MCHR2: variants seen among roughly 807,000 people sequenced by gnomAD.
MCHR2 encodes the protein melanin concentrating hormone receptor 2.
A neutral mutation model predicts 24.8 loss-of-function variants in MCHR2; 15 were observed. The ratio of observed to expected loss-of-function variants is 0.60; its 90% CI spans 0.40 to 0.93. The LOEUF is 0.93. Among genes scored for constraint, MCHR2 ranks in the 40% least tolerant of loss-of-function variants. The pLI is 0.00. For synonymous variants in MCHR2, 151 were observed against 147.6 expected (o/e 1.02, Z -0.17); for missense variants, 386 against 408.7 (o/e 0.94, Z 0.48).
chr6:99,947,653 A>G, intron 3 of MCHR2, 109 bp downstream of exon 3: 1 of 1,031,610 alleles, frequency 9.7e-7, no homozygotes. Flanking sequence ...AAACAAAGGA[A>G]GAAAACCTCT....
Position 99,921,072 on chromosome 6 carries a change from G to T in MCHR2, c.891C>A (p.Ala297=), listed in dbSNP as rs200877202. 1.2e-4 allele frequency: 196 copies of T among 1,614,064 alleles called. No individual in the cohort carries two copies. Among genetic ancestry groups the T allele is most frequent in the Non-Finnish European group, 1.6e-4 (189 of 1,180,034 alleles). ...GYYLSICLSY[A]SSSINPFLYI... ...AGAGAAAAGGGTTAATGCTGCTGCT[G>T]GCATAGCTGAGACAGATGGAGAGGT... The change falls in exon 6 of 6, where the codon GCC becomes GCA. Residue 297 remains alanine (A), a synonymous_variant. Coordinates refer to ENST00000281806, the MANE Select transcript of MCHR2 (RefSeq NM_001040179.2).
chr6:99,972,189 T>G (rs1283091626), intron 1 of MCHR2, among the ~76,000 whole-genome samples: 1 of 145,772 alleles, frequency 6.9e-6, no homozygotes, highest in Non-Finnish European at 1.5e-5. Flanking sequence ...TCCATCTGGT[T>G]CTGGACTCTT....
chr6:99,920,868 A>G lies in MCHR2; in HGVS notation c.*72T>C, dbSNP rs557589736. On this transcript the variant is annotated 3_prime_UTR_variant, in exon 6 of 6. Transcript: ENST00000281806. ...GAAGAATGGGCATAAACATATCGGT[A>G]CACCTGCCCTTTCTGATAATACCAG... 3.2e-5 allele frequency: 46 copies of G among 1,440,758 alleles called. No individual in the cohort carries two copies. Among genetic ancestry groups the G allele is most frequent in the Non-Finnish European group, 2.2e-5 (23 of 1,043,280 alleles). 89.2% of individuals were successfully genotyped at this position (1,440,758 alleles called of 1,614,324 possible).
At chr6:99,960,027 C>T (rs374667206) in intron 1 of MCHR2, among the ~76,000 whole-genome samples, 1 of 152,006 alleles carries the variant, frequency 6.6e-6, no homozygotes, top group South Asian at 2.1e-4. Flanking sequence ...TCAAGAAGAC[C>T]AGCCTACCTC....
intron 5 of MCHR2, 151 bp downstream of exon 5, chr6:99,934,247 T>C (rs1774605071): frequency 3.1e-6 from 2 of 637,574 alleles, no homozygotes; most frequent in Non-Finnish European, 4.7e-6. Flanking sequence ...GCACATGTCT[T>C]ATTTTCCAAA....
At chr6:99,932,290 A>G (rs975285281) in intron 5 of MCHR2, among the ~76,000 whole-genome samples, 3 of 152,206 alleles carry the variant, frequency 2.0e-5, no homozygotes, top group African/African-American at 7.2e-5. Context: ...ATATCAGTCT[A>G]TAGTAATATA....
At chr6:99,923,310 C>T (rs1774278574) in intron 5 of MCHR2, among the ~76,000 whole-genome samples, 1 of 151,878 alleles carries the variant, frequency 6.6e-6, no homozygotes, top group African/African-American at 2.4e-5. Flanking sequence ...TAGAGTTTTC[C>T]AAATATAAAA....
intron 1 of MCHR2, among the ~76,000 whole-genome samples, chr6:99,966,950 A>G (rs957979673): frequency 1.3e-5 from 2 of 152,138 alleles, no homozygotes; most frequent in Admixed American, 6.6e-5. Flanking sequence ...GCCCCCTTGC[A>G]CTGTCTCTCC....
intron 1 of MCHR2, among the ~76,000 whole-genome samples, chr6:99,967,435 C>A (rs1236611199): frequency 2.0e-5 from 3 of 152,048 alleles, no homozygotes; most frequent in Admixed American, 6.6e-5. Flanking sequence ...AATCAAAAGA[C>A]CTAACAGATG....
chr6:99,992,953 G>A (rs566076414), intron 1 of MCHR2, among the ~76,000 whole-genome samples: 1 of 151,970 alleles, frequency 6.6e-6, no homozygotes, highest in East Asian at 1.9e-4. Flanking sequence ...TAACAAACAG[G>A]TTATTATTTA....
chr6:99,920,602 AG>A lies in MCHR2; in HGVS notation c.*337del, dbSNP rs1315995989. On this transcript the variant is annotated 3_prime_UTR_variant, in exon 6 of 6. Coordinates refer to ENST00000281806, the MANE Select transcript of MCHR2 (RefSeq NM_001040179.2). The stretch of plus-strand genomic sequence containing the variant: ...CAGTGAGGCCACAGTGTGGAGGGCA[AG>A]GTCAGGTTCCTTGGTGAGTTTTGAG... The A allele has an allele frequency of 4.1e-6, 1 of 245,034 alleles. No individual in the cohort carries two copies. The highest frequency in any genetic ancestry group is 8.0e-6 in the Non-Finnish European group (1 of 124,770). 15.2% of individuals were successfully genotyped at this position (245,034 alleles called of 1,614,324 possible). A position where few individuals can be genotyped will look rare whatever the true frequency, so the allele number is the denominator to read the frequency against.
intron 3 of MCHR2, among the ~76,000 whole-genome samples, chr6:99,943,482 C>T (rs1485654115): frequency 1.3e-5 from 2 of 151,600 alleles, no homozygotes; most frequent in Non-Finnish European, 2.9e-5. Context: ...CTATCCCTCT[C>T]CCCTCCCCCA....
At chr6:99,947,347 A>G (rs1774889865) in intron 3 of MCHR2, among the ~76,000 whole-genome samples, 1 of 152,134 alleles carries the variant, frequency 6.6e-6, no homozygotes, top group Admixed American at 6.6e-5. Context: ...TTGGACAGAG[A>G]CTAAGGAAAC....
intron 1 of MCHR2, among the ~76,000 whole-genome samples, chr6:99,965,024 T>C (rs1198709040): frequency 6.6e-6 from 1 of 152,178 alleles, no homozygotes; most frequent in Non-Finnish European, 1.5e-5. Flanking sequence ...GTCAGATTGT[T>C]GGCCACCTCT....
chr6:99,944,586 C>T (rs1400680945), intron 3 of MCHR2, among the ~76,000 whole-genome samples: 1 of 152,086 alleles, frequency 6.6e-6, no homozygotes, highest in East Asian at 1.9e-4. Context: ...CCTCAGCTAC[C>T]CATCCTCTCT....
In MCHR2 at chr6:99,947,968, G is replaced by T; in HGVS notation, c.186C>A (p.Ser62=). 6.2e-7 allele frequency: 1 copy of T among 1,612,542 alleles called. No individual in the cohort carries two copies. The highest frequency in any genetic ancestry group is 1.1e-5 in the South Asian group (1 of 90,946). ...AGATGTCAGGGACTGTTTTTTTCCTGGATCTGAAAGAGATAGAGGAAACTG... is the reference window on the plus strand; with the variant it reads ...AGATGTCAGGGACTGTTTTTTTCCTTGATCTGAAAGAGATAGAGGAAACTG... ...NILIVFTIIR[S]RKKTVPDIYI... is the part of the protein sequence containing the mutation. Residue 62 remains serine (S), a synonymous_variant, in exon 3 of 6, where the codon TCC becomes TCA. Coordinates refer to ENST00000281806, the MANE Select transcript of MCHR2 (RefSeq NM_001040179.2).
chr6:99,935,296 A>G (rs1774634004), intron 4 of MCHR2, among the ~76,000 whole-genome samples: 2 of 151,984 alleles, frequency 1.3e-5, no homozygotes, highest in South Asian at 2.1e-4. Flanking sequence ...GATTCACCAA[A>G]CACTAGGTCT....
intron 1 of MCHR2, among the ~76,000 whole-genome samples, chr6:99,974,553 C>T (rs1231515466): frequency 6.6e-6 from 1 of 152,220 alleles, no homozygotes; most frequent in African/African-American, 2.4e-5. Flanking sequence ...GCCTTCTTCT[C>T]TCAACTTGTC....
At chr6:99,942,356 T>C (rs563593597) in intron 4 of MCHR2, among the ~76,000 whole-genome samples, 2 of 152,286 alleles carry the variant, frequency 1.3e-5, no homozygotes, top group Admixed American at 1.3e-4. Context: ...TACAGACATA[T>C]CACTCCAATC....
Sources: gnomAD v4.1 joint callset for allele counts (sites outside exome capture counted in the v4.1 genomes callset) on GRCh38, gnomAD v4.1.1 for gene constraint, MANE v1.5 for transcripts, NCBI Gene and HGNC (gene_info 2026-07-23, HGNC 2026-07-21) for gene names.